The following VWF variants were observed in gnomAD, a reference collection of about 807,000 sequenced individuals.
VWF encodes the protein Factor VIII related antigen.
VWF carries 176 observed loss-of-function variants against 308.6 expected under a neutral mutation model. The observed-to-expected ratio is 0.57, with a 90% CI of 0.50 to 0.65. The LOEUF (loss-of-function observed/expected upper bound fraction) is 0.65. Ranked by LOEUF, VWF falls within the 30% of genes least tolerant of loss-of-function variation. The pLI, the probability that VWF is intolerant of heterozygous loss-of-function variation, is 0.00. For synonymous variants in VWF, 1,385 were observed against 1,443.4 expected (o/e 0.96, Z 0.92); for missense variants, 3,146 against 3,648.2 (o/e 0.86, Z 3.55).
chr12:5,954,856 T>C (rs1318879008), intron 47 of VWF, among the ~76,000 whole-genome samples: 3 of 152,196 alleles, frequency 2.0e-5, no homozygotes, highest in African/African-American at 7.2e-5. Context: ...CCTGGGTTTC[T>C]ACTGGAACTT....
chr12:6,044,539 G>A lies in VWF; in HGVS notation c.2282-88C>T, dbSNP rs1944428006. On this transcript the variant is annotated intron_variant, in intron 17 of 51. Coordinates refer to ENST00000261405, the MANE Select transcript of VWF (RefSeq NM_000552.5). ...TGTCCTTTGGTCCCCTAGAGTCTGT[G>A]ACTAAATTCAAGAGACTCAGAGTTG... 3 of 1,505,354 alleles carry A rather than the reference G, an allele frequency of 2.0e-6. No homozygotes were observed. The East Asian group carries it at 7.3e-5, about 37-fold the overall frequency. The allele number at this position is 1,505,354 out of a possible 1,614,324, so 93.2% of individuals were successfully genotyped here. A position where few individuals can be genotyped will look rare whatever the true frequency, so the allele number is the denominator to read the frequency against.
chr12:5,985,518 G>T, intron 39 of VWF, 45 bp downstream of exon 39: 1 of 1,586,584 alleles, frequency 6.3e-7, no homozygotes, highest in Middle Eastern at 1.7e-4. Flanking sequence ...CCTTGCAGGG[G>T]CCCTTGTTCC....
Position 6,058,954 on chromosome 12 carries a change from C to T in VWF, c.1534-910G>A, listed in dbSNP as rs1944625386. On this transcript the variant is annotated intron_variant, in intron 13 of 51. Transcript: ENST00000261405. The surrounding 1 kb of genome is among the most constrained non-coding windows in gnomAD (Gnocchi z 4.9). ...GCTGGGACCCAGGAGTCCTGACTCC[C>T]TCTCCGCATGTCATTACCAAGGTGG... Among the ~76,000 whole-genome samples, 1 of 152,168 alleles carries T rather than the reference C, an allele frequency of 6.6e-6. No homozygotes were observed. Among genetic ancestry groups the T allele is most frequent in the Non-Finnish European group, 1.5e-5 (1 of 68,024 alleles).
chr12:6,085,178 C>T (rs1486175721), intron 6 of VWF, among the ~76,000 whole-genome samples: 1 of 152,212 alleles, frequency 6.6e-6, no homozygotes, highest in Non-Finnish European at 1.5e-5. Flanking sequence ...AAGGACGGGG[C>T]ACCATTCCCT....
chr12:6,003,454 G>T (rs1943893558), intron 34 of VWF, among the ~76,000 whole-genome samples: 1 of 149,234 alleles, frequency 6.7e-6, no homozygotes, highest in African/African-American at 2.5e-5. Flanking sequence ...TAACCATAAA[G>T]AAAATAGTTA....
chr12:6,117,190 A>C (rs1945377349), intron 3 of VWF, among the ~76,000 whole-genome samples: 1 of 152,238 alleles, frequency 6.6e-6, no homozygotes, highest in African/African-American at 2.4e-5. Context: ...CTCCCAGAAA[A>C]TGGACACTTC....
chr12:6,123,339 T>C (rs112661795), intron 1 of VWF, 143 bp from the exon 2 acceptor site: 3 of 1,020,396 alleles, frequency 2.9e-6, no homozygotes, highest in South Asian at 2.7e-5. Context: ...CTTTTCCCCT[T>C]TGAACATGGA....
At chr12:6,041,871 A>C (rs1944400230) in intron 18 of VWF, among the ~76,000 whole-genome samples, 1 of 152,362 alleles carries the variant, frequency 6.6e-6, no homozygotes, top group Admixed American at 6.5e-5. Flanking sequence ...AAATCTAAGA[A>C]AAAGCATCCT....
In VWF at chr12:6,121,249, T is replaced by G. The variant is rs1195660161; in HGVS notation, c.145A>C (p.Ser49Arg). Reference protein sequence around the residue: ...GSDFVNTFDGSMYSFAGYCSY... With the variant: ...GSDFVNTFDGRMYSFAGYCSY... The stretch of plus-strand genomic sequence containing the variant: ...CAGTATCCCGCAAAGCTGTACATGC[T>G]CCCATCAAAGGTGTTGACGAAGTCA... The change falls in exon 3 of 52, where the codon AGC (serine) becomes CGC (arginine). Residue 49 changes from serine to arginine, a missense_variant. Physicochemically the swap from Ser to Arg is moderately radical, Grantham distance 110 (BLOSUM62 -1). This residue lies in a region of VWF where 1,304 missense variants were observed against 1,353.0 expected (regional missense o/e 0.96). Coordinates refer to ENST00000261405, the MANE Select transcript of VWF (RefSeq NM_000552.5). The G allele has an allele frequency of 6.2e-7, 1 of 1,614,050 alleles. No individual in the cohort carries two copies. Among genetic ancestry groups the G allele is most frequent in the Non-Finnish European group, 8.5e-7 (1 of 1,180,020 alleles).
intron 34 of VWF, among the ~76,000 whole-genome samples, chr12:6,008,035 G>A (rs1018104260): frequency 1.3e-5 from 2 of 152,150 alleles, no homozygotes; most frequent in Admixed American, 6.5e-5. Context: ...TTAGTAAGGA[G>A]ATGAAATTAG....
chr12:6,095,411 T>C (rs748607235), intron 6 of VWF, 49 bp downstream of exon 6: 4 of 1,613,136 alleles, frequency 2.5e-6, no homozygotes, highest in Non-Finnish European at 3.4e-6. Context: ...GTCTTTTAGA[T>C]CCAGAAATCA....
intron 3 of VWF, among the ~76,000 whole-genome samples, chr12:6,120,250 G>T (rs757602002): frequency 6.6e-6 from 1 of 152,104 alleles, no homozygotes; most frequent in Non-Finnish European, 1.5e-5. Context: ...GCACTTCTGA[G>T]CCCTCTTCTA....
At chr12:6,100,941 A>G (rs2136507484) in intron 5 of VWF, among the ~76,000 whole-genome samples, 2 of 152,304 alleles carry the variant, frequency 1.3e-5, no homozygotes, top group East Asian at 3.9e-4. Flanking sequence ...AGCTTCAAAA[A>G]CTTCAGATAA....
chr12:6,118,543 C>T (rs1468552827), intron 3 of VWF, among the ~76,000 whole-genome samples: 1 of 151,898 alleles, frequency 6.6e-6, no homozygotes, highest in African/African-American at 2.4e-5. Flanking sequence ...CCCACCACAA[C>T]GCCTGGCTAA....
chr12:5,968,508 T>C (rs942970405), intron 45 of VWF, among the ~76,000 whole-genome samples: 7 of 152,190 alleles, frequency 4.6e-5, no homozygotes, highest in Non-Finnish European at 8.8e-5. Context: ...GTTTCAAGAA[T>C]TCAGTGGCCA....
At chr12:6,122,916 T>A (rs1271368599) in intron 2 of VWF, 1 of 749,424 alleles carries the variant, frequency 1.3e-6, no homozygotes, top group South Asian at 1.4e-5. Flanking sequence ...TGTGCCACCT[T>A]TATGCTTCTT....
chr12:6,056,872 C>T lies in VWF; in HGVS notation c.1930G>A (p.Glu644Lys), dbSNP rs61748460. ...AGRGVRVAWR[E>K]PGRCELNCPK... ...GGGCACGCACCACAGCGGCCTGGCT[C>T]GCGCCACGCGACGCGCACGCCTCTC... Residue 644 changes from glutamate to lysine, a missense_variant, in exon 15 of 52, where the codon GAG becomes AAG. Physicochemically the swap from Glu to Lys is moderately conservative, Grantham distance 56. Around this residue, in one of 3 missense-constraint regions of VWF, gnomAD observed 1,304 missense variants for 1,353.0 expected, o/e 0.96. Coordinates refer to ENST00000261405, the MANE Select transcript of VWF (RefSeq NM_000552.5). The T allele has an allele frequency of 4.8e-6, 7 of 1,470,096 alleles. No individual in the cohort carries two copies. The highest frequency in any genetic ancestry group is 4.8e-5 in the Admixed American group (2 of 41,696). 91.1% of individuals were successfully genotyped at this position (1,470,096 alleles called of 1,614,324 possible). A position where few individuals can be genotyped will look rare whatever the true frequency, so the allele number is the denominator to read the frequency against.
intron 13 of VWF, among the ~76,000 whole-genome samples, chr12:6,062,154 A>G (rs1400874138): frequency 6.6e-6 from 1 of 152,202 alleles, no homozygotes; most frequent in East Asian, 1.9e-4. Flanking sequence ...GAGGTCCTCA[A>G]TAATTTTTAA....
At chr12:6,062,314 AGCCCT>A (rs1944663175) in intron 13 of VWF, among the ~76,000 whole-genome samples, 1 of 152,078 alleles carries the variant, frequency 6.6e-6, no homozygotes. Context: ...AGTCTATCCT[AGCCCT>A]GGAAGTTCTG....
Sources: allele counts gnomAD v4.1 joint callset (sites outside exome capture counted in the v4.1 genomes callset), GRCh38; gene constraint gnomAD v4.1.1; regional missense constraint gnomAD v4.1.1; non-coding constraint Gnocchi (gnomAD v3.1); transcripts MANE v1.5; gene names NCBI Gene and HGNC (gene_info 2026-07-23, HGNC 2026-07-21).